CHAF1A: variants seen among roughly 807,000 people sequenced by gnomAD.
CHAF1A encodes CAF-1 subunit A.
A neutral mutation model predicts 93.2 loss-of-function variants in CHAF1A; 5 were observed. The ratio of observed to expected loss-of-function variants is 0.05; its 90% CI spans 0.03 to 0.11. The LOEUF is 0.11. Ranked by LOEUF, CHAF1A falls within the 10% of genes least tolerant of loss-of-function variation. The probability of loss-of-function intolerance (pLI) is 1.00; values close to 1 mark genes in which losing one functional copy is unlikely to be tolerated. For missense variants in CHAF1A, 1,102 were observed against 1,259.9 expected, an observed-to-expected ratio of 0.87 and a Z score of 1.90; for synonymous variants, 504 against 510.3, an observed-to-expected ratio of 0.99 and a Z score of 0.17.
At chr19:4,446,706 C>G (rs776470883), downstream of CHAF1A, 2 of 1,609,318 alleles carry the variant, frequency 1.2e-6, no homozygotes. Flanking sequence ...GCACGTAGAA[C>G]TCCTCGGGGT....
Position 4,435,087 on chromosome 19 carries a change from C to CTTTT in CHAF1A, c.2673+1568_2673+1571dup, listed in dbSNP as rs869255408. On this transcript the variant is annotated intron_variant, in intron 13 of 14. Coordinates refer to ENST00000301280, the MANE Select transcript of CHAF1A (RefSeq NM_005483.3). ...GAGTTTCTCTTTTTTCTTTTTTTTC[C>CTTTT]TTTTTTTTTTTTTTTTTTTTTTTGA... 1.5e-3 allele frequency among the ~76,000 whole-genome samples: 129 copies of CTTTT among 87,950 alleles called. 1 individual carries two copies. Among genetic ancestry groups the CTTTT allele is most frequent in the African/African-American group, 2.6e-3 (56 of 21,250 alleles). 57.7% of individuals were successfully genotyped at this position (87,950 alleles called of 152,430 possible). A position where few individuals can be genotyped will look rare whatever the true frequency, so the allele number is the denominator to read the frequency against.
chr19:4,432,966 C>A, intron 12 of CHAF1A, 104 bp from the exon 13 acceptor site: 1 of 967,834 alleles, frequency 1.0e-6, no homozygotes. Context: ...CTGGCCATGC[C>A]CCAAGCCTCG....
At chr19:4,430,423 C>G (rs1974159950) in intron 10 of CHAF1A, 126 bp from the exon 11 acceptor site, 1 of 626,214 alleles carries the variant, frequency 1.6e-6, no homozygotes, top group Non-Finnish European at 2.9e-6. Flanking sequence ...GATGATCCGC[C>G]CACCTCAGCC....
chr19:4,423,712 C>T, intron 6 of CHAF1A, 94 bp from the exon 7 acceptor site: 2 of 1,274,120 alleles, frequency 1.6e-6, no homozygotes, highest in Non-Finnish European at 1.1e-6. Context: ...AGCTAAAATG[C>T]TTGACGTTCG....
chr19:4,403,302 G>A (rs1311336755), intron 1 of CHAF1A, among the ~76,000 whole-genome samples: 1 of 152,200 alleles, frequency 6.6e-6, no homozygotes, highest in Non-Finnish European at 1.5e-5. Context: ...GGCCAGGAGG[G>A]TGGGACTCCC....
At chr19:4,418,771 T>C (rs1022101751) in intron 4 of CHAF1A, among the ~76,000 whole-genome samples, 1 of 152,054 alleles carries the variant, frequency 6.6e-6, no homozygotes, top group Admixed American at 6.6e-5. Context: ...GCCTCTACAC[T>C]CGATGGGTGG....
intron 8 of CHAF1A, 76 bp downstream of exon 8, chr19:4,428,966 G>A: frequency 7.9e-7 from 1 of 1,264,100 alleles, no homozygotes; most frequent in Non-Finnish European, 1.1e-6. Context: ...GGGTCCCCGG[G>A]GTGGGAGCTC....
chr19:4,409,494 T>C lies in CHAF1A; in HGVS notation c.695T>C (p.Leu232Pro), dbSNP rs184354515. Residue 232 changes from leucine (L) to proline (P), a missense_variant, in exon 3 of 15, where the codon CTG becomes CCG. Transcript: ENST00000301280. ...QDSWSEAGGI[L>P]FKGKVPMVVL... ...AGTTGGAGTGAAGCTGGGGGCATCC[T>C]GTTCAAAGGGAAGGTGCCTATGGTG... is the stretch of plus-strand genomic sequence containing the variant. 94 of 1,614,100 alleles carry C rather than the reference T, an allele frequency of 5.8e-5. 1 individual carries two copies. The Middle Eastern group carries it at 1.3e-3, about 23-fold the overall frequency.
At chr19:4,446,182 C>A (rs764813172), downstream of CHAF1A, 18 of 1,606,350 alleles carry the variant, frequency 1.1e-5, no homozygotes, top group Non-Finnish European at 1.4e-5. Context: ...CAGCCGCTCC[C>A]GAGCGTAGAA....
chr19:4,407,777 G>C (rs546506437), intron 2 of CHAF1A, among the ~76,000 whole-genome samples: 1 of 151,966 alleles, frequency 6.6e-6, no homozygotes, highest in Non-Finnish European at 1.5e-5. Context: ...GCGAAACCCT[G>C]TCTCTACTAA....
Position 4,409,087 on chromosome 19 carries a change from T to C in CHAF1A, c.288T>C (p.Gly96=). Residue 96 remains glycine (G), a synonymous_variant, in exon 3 of 15, where the codon GGT becomes GGC. Coordinates refer to ENST00000301280, the MANE Select transcript of CHAF1A (RefSeq NM_005483.3). ...GACCGAAACTTGTCAACGGGAAGGG[T>C]CCCTTAGATAACTTTTTAAGAAATA... ...DFRPKLVNGK[G]PLDNFLRNRI... 2.5e-6 allele frequency: 4 copies of C among 1,614,034 alleles called. 1 individual carries two copies. The South Asian group carries it at 4.4e-5, about 18-fold the overall frequency.
At position 4,408,913 on chromosome 19, in the gene CHAF1A, G is replaced by C. The variant is rs144933262; in HGVS notation, c.114G>C (p.Pro38=). The C allele has an allele frequency of 2.4e-4, 379 of 1,603,466 alleles. No homozygotes were observed. Among genetic ancestry groups the C allele is most frequent in the Non-Finnish European group, 2.9e-4 (340 of 1,176,496 alleles). The change falls in exon 3 of 15, where the codon CCG becomes CCC. Residue 38 remains proline, a synonymous_variant. Coordinates refer to ENST00000301280, the MANE Select transcript of CHAF1A (RefSeq NM_005483.3). ...CTGTCTTTGTTTCAGCCCGTCTGCC[G>C]TTTAAGCGCCTGAATCTTGTCCCAA... The part of the protein sequence containing the change: ...PVKKLIQARL[P]FKRLNLVPKG...
At chr19:4,448,066 C>T (rs1010166552), downstream of CHAF1A, 64 of 564,386 alleles carry the variant, frequency 1.1e-4, no homozygotes, top group Middle Eastern at 4.7e-4. Context: ...TCCACATGTT[C>T]CCCAAGGAAG....
chr19:4,419,029 A>ATTTTTTTTTTTTTTTTTTTTTTT (rs11406470), intron 4 of CHAF1A, among the ~76,000 whole-genome samples: 2 of 96,472 alleles, frequency 2.1e-5, no homozygotes, highest in Non-Finnish European at 3.8e-5. Context: ...TAGCCAGCTA[A>ATTTTTTTTTTTTTTTTTTTTTTT]TTTTTTTTTT....
intron 7 of CHAF1A, among the ~76,000 whole-genome samples, chr19:4,428,013 T>C (rs1377475830): frequency 6.6e-6 from 1 of 151,238 alleles, no homozygotes; most frequent in Non-Finnish European, 1.5e-5. Flanking sequence ...CATGAGCCAC[T>C]GCCCCTGGCC....
chr19:4,423,748 C>T lies in CHAF1A; in HGVS notation c.1309-58C>T. The T allele has an allele frequency of 4.6e-6, 7 of 1,534,772 alleles. No individual in the cohort carries two copies. The South Asian group carries it at 7.8e-5, about 17-fold the overall frequency. On this transcript the variant is annotated intron_variant, in intron 6 of 14. Transcript: ENST00000301280. ...GTTCTGGGGGCCTTTGCATGTTTTG[C>T]AACACATACTGTTCCTCTTCCTCTC...
rs1974155494 is a variant in CHAF1A at position 4,430,164 on chromosome 19, A to G, written c.1854+376A>G. On this transcript the variant is annotated intron_variant, in intron 10 of 14. Transcript: ENST00000301280. ...TCTGTCGGGAGGCCATGCAAAGCAGATGTTCACAGCTTTACATTTTTTTGT... is the reference window on the plus strand; with the variant it reads ...TCTGTCGGGAGGCCATGCAAAGCAGGTGTTCACAGCTTTACATTTTTTTGT... 7 of 335,964 alleles carry G rather than the reference A, an allele frequency of 2.1e-5. No individual in the cohort carries two copies. The South Asian group carries it at 2.1e-4, about 10-fold the overall frequency. 20.8% of individuals were successfully genotyped at this position (335,964 alleles called of 1,614,324 possible). A position where few individuals can be genotyped will look rare whatever the true frequency, so the allele number is the denominator to read the frequency against.
intron 10 of CHAF1A, 87 bp from the exon 11 acceptor site, chr19:4,430,462 G>A (rs1053548253): frequency 7.0e-6 from 6 of 853,506 alleles, no homozygotes; most frequent in South Asian, 6.9e-5. Flanking sequence ...AGAGGTGTGA[G>A]CCACTGCGCC....
At chr19:4,423,730 G>C (rs1217834639) in intron 6 of CHAF1A, 76 bp from the exon 7 acceptor site, 18 of 1,400,434 alleles carry the variant, frequency 1.3e-5, no homozygotes, top group Non-Finnish European at 1.7e-5. Flanking sequence ...TCGGTTCTGG[G>C]GGCCTTTGCA....
Sources: allele counts gnomAD v4.1 joint callset (sites outside exome capture counted in the v4.1 genomes callset), GRCh38; gene constraint gnomAD v4.1.1; transcripts MANE v1.5; gene names NCBI Gene and HGNC (gene_info 2026-07-23, HGNC 2026-07-21).